The following ABCD3 variants were observed in gnomAD, a reference collection of about 807,000 sequenced individuals.
ABCD3 encodes the protein ATP binding cassette subfamily D member 3, also known as ATP-binding cassette sub-family D member 3.
In ABCD3, 41 loss-of-function variants were observed where a neutral mutation model predicts 105.5. That is an observed-to-expected ratio of 0.39 (90% confidence interval 0.30 to 0.50). The LOEUF (loss-of-function observed/expected upper bound fraction) is 0.50, where lower values mean the gene tolerates loss of function less well. ABCD3 is among the 20% of genes least tolerant of loss of function. The pLI is 0.84. For missense variants in ABCD3, 622 were observed against 806.3 expected, an observed-to-expected ratio of 0.77 and a Z score of 2.77; for synonymous variants, 258 against 269.0, an observed-to-expected ratio of 0.96 and a Z score of 0.40.
At chr1:94,437,309 G>C (rs569792598) in intron 1 of ABCD3, among the ~76,000 whole-genome samples, 1 of 152,314 alleles carries the variant, frequency 6.6e-6, no homozygotes, top group South Asian at 2.1e-4. Context: ...AGAACAGTCT[G>C]ACTCTTTTGT....
intron 1 of ABCD3, among the ~76,000 whole-genome samples, chr1:94,448,446 A>G (rs1660440529): frequency 1.3e-5 from 2 of 152,234 alleles, no homozygotes; most frequent in Admixed American, 1.3e-4. Context: ...GTTGCTGAGA[A>G]TGTTTTTACA....
chr1:94,464,710 G>T, intron 2 of ABCD3, 65 bp from the exon 3 acceptor site: 1 of 1,368,898 alleles, frequency 7.3e-7, no homozygotes, highest in Non-Finnish European at 1.0e-6. Context: ...GATGAAACAT[G>T]GTTCTTTAAT....
rs1043926915 is a variant in ABCD3, at chr1:94,473,620, CA to C, written c.336-140del. 5.6e-5 allele frequency: 38 copies of C among 679,256 alleles called. No homozygotes were observed. In the African/African-American group the frequency reaches 6.4e-4, roughly 11 times the overall value. 42.1% of individuals were successfully genotyped at this position (679,256 alleles called of 1,614,324 possible). On this transcript the variant is annotated intron_variant, in intron 4 of 22. Transcript: ENST00000370214. Reference sequence around the variant, plus strand: ...TTTTAAAGTTGCAAACATGTTTTTGCAAAAAAGTGGTTTTTAGCATCTTTTT... The same window carrying C: ...TTTTAAAGTTGCAAACATGTTTTTGCAAAAAGTGGTTTTTAGCATCTTTTT...
intron 20 of ABCD3, among the ~76,000 whole-genome samples, chr1:94,503,134 G>A (rs370396891): frequency 6.6e-6 from 1 of 152,070 alleles, no homozygotes; most frequent in African/African-American, 2.4e-5. Context: ...TATTCTTCCA[G>A]TGTGGCCCAG....
chr1:94,430,354 T>C (rs1418315081), intron 1 of ABCD3, among the ~76,000 whole-genome samples: 1 of 152,162 alleles, frequency 6.6e-6, no homozygotes, highest in East Asian at 1.9e-4. Context: ...GGTTTTGAAA[T>C]GTGAGGACAT....
Position 94,418,565 on chromosome 1 carries a change from G to T in ABCD3, c.87G>T (p.Arg29=). Residue 29 remains arginine (R), a synonymous_variant, in exon 1 of 23, where the codon CGG becomes CGT. Transcript: ENST00000370214. The stretch of plus-strand genomic sequence containing the variant: ...TGCTGCTCTGCCTGCTCCACAAGCG[G>T]CGCCGCGCCCTCGGCCTGCACGGGT... ...AFLLLCLLHK[R]RRALGLHGKK... 1 of 1,601,894 alleles carries T rather than the reference G, an allele frequency of 6.2e-7. No individual in the cohort carries two copies. Among genetic ancestry groups the T allele is most frequent in the Non-Finnish European group, 8.5e-7 (1 of 1,178,474 alleles).
At chr1:94,442,289 A>T (rs1407648318) in intron 1 of ABCD3, among the ~76,000 whole-genome samples, 2 of 152,192 alleles carry the variant, frequency 1.3e-5, no homozygotes, top group African/African-American at 4.8e-5. Flanking sequence ...AAGATGACTT[A>T]TGTGGCTCTT....
chr1:94,505,106 G>C (rs1389655918), intron 20 of ABCD3, among the ~76,000 whole-genome samples: 1 of 152,166 alleles, frequency 6.6e-6, no homozygotes, highest in African/African-American at 2.4e-5. Flanking sequence ...AATTACATTT[G>C]AGTTTTAGAC....
intron 16 of ABCD3, among the ~76,000 whole-genome samples, chr1:94,497,555 A>G (rs558728381): frequency 6.6e-6 from 1 of 152,374 alleles, no homozygotes; most frequent in South Asian, 2.1e-4. Context: ...TTACAAGATC[A>G]TAAGCCTAGA....
At position 94,507,880 on chromosome 1, in the gene ABCD3, T is replaced by C. The variant is rs1017702402; in HGVS notation, c.1845+1238T>C. Among the ~76,000 whole-genome samples, 307 of 147,376 alleles carry C rather than the reference T, an allele frequency of 2.1e-3. 2 individuals are homozygous for C. The highest frequency in any genetic ancestry group is 7.1e-3 in the African/African-American group (282 of 39,846). On this transcript the variant is annotated intron_variant, in intron 21 of 22. Coordinates refer to ENST00000370214, the MANE Select transcript of ABCD3 (RefSeq NM_002858.4). Reference sequence around the variant, plus strand: ...AAATTTGTTTGAGTTCATTGTAGATTCTGGATATTAGCCCTTTGTCAGATG... The same window carrying C: ...AAATTTGTTTGAGTTCATTGTAGATCCTGGATATTAGCCCTTTGTCAGATG...
chr1:94,390,843 C>A, the ABCD3 span, among the ~76,000 whole-genome samples: 1 of 152,126 alleles, frequency 6.6e-6, no homozygotes. Flanking sequence ...TCTAACAGAT[C>A]CCCTAAACCG....
intron 21 of ABCD3, among the ~76,000 whole-genome samples, chr1:94,511,770 C>T (rs933019290): frequency 3.9e-5 from 6 of 152,210 alleles, no homozygotes; most frequent in East Asian, 1.9e-4. Context: ...ACCCTTTCTT[C>T]CAGTTGATCA....
chr1:94,506,431 A>G, intron 20 of ABCD3, 107 bp from the exon 21 acceptor site: 1 of 690,926 alleles, frequency 1.4e-6, no homozygotes. Context: ...TAATTTTTAT[A>G]CTTTTGATTT....
intron 4 of ABCD3, among the ~76,000 whole-genome samples, chr1:94,469,727 G>A (rs1049195557): frequency 7.9e-5 from 11 of 139,780 alleles, no homozygotes; most frequent in South Asian, 5.0e-4. Flanking sequence ...GTGCAGCGGC[G>A]CGATCTCAGC....
chr1:94,492,420 A>T (rs1195997984), intron 16 of ABCD3, among the ~76,000 whole-genome samples: 1 of 152,194 alleles, frequency 6.6e-6, no homozygotes, highest in Non-Finnish European at 1.5e-5. Flanking sequence ...TAAAAATGAA[A>T]ATTGTTAGTT....
At position 94,480,558 on chromosome 1, in the gene ABCD3, A is replaced by G. The variant is rs990573934; in HGVS notation, c.779A>G (p.Lys260Arg). Residue 260 changes from lysine (K) to arginine (R), a missense_variant, in exon 9 of 23, where the codon AAG becomes AGG. Physicochemically the swap from Lys to Arg is conservative, Grantham distance 26. Coordinates refer to ENST00000370214, the MANE Select transcript of ABCD3 (RefSeq NM_002858.4). The part of the protein sequence containing the change: ...PIGKMTITEQ[K>R]YEGEYRYVNS... ...GGTAAGATGACAATAACTGAGCAAA[A>G]GTATGAAGGAGAATATAGATATGTT... 1 of 1,613,884 alleles carries G rather than the reference A, an allele frequency of 6.2e-7. No individual in the cohort carries two copies. Among genetic ancestry groups the G allele is most frequent in the Non-Finnish European group, 8.5e-7 (1 of 1,179,834 alleles).
At chr1:94,439,382 CT>C (rs1322842372) in intron 1 of ABCD3, among the ~76,000 whole-genome samples, 1 of 151,926 alleles carries the variant, frequency 6.6e-6, no homozygotes, top group Non-Finnish European at 1.5e-5. Flanking sequence ...TGGCTCATAC[CT>C]ATAATCCCAG....
chr1:94,484,335 C>G (rs1172438013), intron 10 of ABCD3, among the ~76,000 whole-genome samples: 1 of 152,188 alleles, frequency 6.6e-6, no homozygotes. Context: ...GACACATGCA[C>G]ACATACGTTT....
At chr1:94,449,123 C>T (rs572407452) in intron 1 of ABCD3, among the ~76,000 whole-genome samples, 17 of 152,034 alleles carry the variant, frequency 1.1e-4, no homozygotes, top group Non-Finnish European at 2.1e-4. Flanking sequence ...TCTCCAGGAC[C>T]GAATCAACAG....
Sources: allele counts gnomAD v4.1 joint callset (sites outside exome capture counted in the v4.1 genomes callset), GRCh38; gene constraint gnomAD v4.1.1; transcripts MANE v1.5; gene names NCBI Gene and HGNC (gene_info 2026-07-23, HGNC 2026-07-21).